The following GLYATL1 variants were observed in gnomAD, a reference collection of about 807,000 sequenced individuals.
GLYATL1 encodes the protein glycine-N-acyltransferase like 1.
In GLYATL1, 15 loss-of-function variants were observed where a neutral mutation model predicts 20.0. That is an observed-to-expected ratio of 0.75 (90% CI 0.50 to 1.15). The LOEUF is 1.15. Ranked by LOEUF, GLYATL1 falls within the 50% of genes most tolerant of loss-of-function variation. The pLI, the probability that GLYATL1 is intolerant of heterozygous loss-of-function variation, is 0.00. For missense variants in GLYATL1, 380 were observed against 368.5 expected (o/e 1.03, Z -0.26); for synonymous variants, 151 against 131.5 (o/e 1.15, Z -1.01).
At chr11:58,955,538 T>C in intron 6 of GLYATL1, 72 bp from the exon 7 acceptor site, 1 of 1,513,934 alleles carries the variant, frequency 6.6e-7, no homozygotes, top group Admixed American at 1.9e-5. Flanking sequence ...CTGGGATCTC[T>C]AGATTGGGAT....
upstream of GLYATL1, among the ~76,000 whole-genome samples, chr11:58,926,968 A>C (rs1855442694): frequency 6.6e-6 from 1 of 152,226 alleles, no homozygotes; most frequent in Admixed American, 6.5e-5. Flanking sequence ...TATGAATCAA[A>C]GACTATCTGT....
intron 2 of GLYATL1, among the ~76,000 whole-genome samples, chr11:58,944,219 A>G (rs1856400405): frequency 6.6e-6 from 1 of 152,220 alleles, no homozygotes. Context: ...TACATTTATA[A>G]ATGAGGGCTC....
At chr11:58,927,206 GTTTTAC>G (rs1180341844), upstream of GLYATL1, among the ~76,000 whole-genome samples, 2 of 152,180 alleles carry the variant, frequency 1.3e-5, no homozygotes, top group Admixed American at 6.5e-5. Flanking sequence ...AGAGGCTACT[GTTTTAC>G]TTAAACTGGA....
chr11:58,912,995 G>T (rs1174668715), downstream of GLYATL1, among the ~76,000 whole-genome samples: 2 of 152,212 alleles, frequency 1.3e-5, no homozygotes, highest in African/African-American at 4.8e-5. Flanking sequence ...AGGCCCTGAA[G>T]ACATCCAATG....
upstream of GLYATL1, among the ~76,000 whole-genome samples, chr11:58,926,261 T>C (rs1014548431): frequency 4.6e-5 from 7 of 152,182 alleles, no homozygotes; most frequent in African/African-American, 1.7e-4. Flanking sequence ...GTTTCTCCAA[T>C]TTTGGTGGAA....
At chr11:58,919,209 C>A (rs1855250800) in intron 1 of GLYATL1, among the ~76,000 whole-genome samples, 1 of 152,222 alleles carries the variant, frequency 6.6e-6, no homozygotes, top group South Asian at 2.1e-4. Flanking sequence ...AAAATTAGTT[C>A]TCCTAGCTCA....
intron 1 of GLYATL1, among the ~76,000 whole-genome samples, chr11:58,922,263 GC>G (rs1169295146): frequency 1.3e-5 from 2 of 152,150 alleles, no homozygotes; most frequent in African/African-American, 2.4e-5. Context: ...TTTCAGTCTG[GC>G]CCAGTTGGAT....
In GLYATL1 at chr11:58,947,109, C is replaced by G. The variant is rs1467787557; in HGVS notation, c.22C>G (p.His8Asp). Residue 8 changes from histidine (H) to aspartate (D), a missense_variant, in exon 3 of 7, where the codon CAT becomes GAT. Physicochemically the swap from His to Asp is moderately conservative, Grantham distance 81. Coordinates refer to ENST00000532726, the MANE Select transcript of GLYATL1 (RefSeq NM_001389712.2). MILLNNS[H>D]KLLALYKSLA... ...CAGAATGATCCTACTGAATAACTCC[C>G]ATAAGCTGCTGGCCCTATACAAATC... 1.2e-6 allele frequency: 2 copies of G among 1,614,036 alleles called. No homozygotes were observed. Among genetic ancestry groups the G allele is most frequent in the South Asian group, 2.2e-5 (2 of 91,076 alleles).
chr11:58,920,679 C>G (rs1565119192), intron 1 of GLYATL1, among the ~76,000 whole-genome samples: 1 of 152,206 alleles, frequency 6.6e-6, no homozygotes, highest in Admixed American at 6.5e-5. Flanking sequence ...TGTTCACAGT[C>G]TCTAAAGCTA....
intron 1 of GLYATL1, among the ~76,000 whole-genome samples, chr11:58,931,332 C>G (rs1388240922): frequency 6.6e-6 from 1 of 152,060 alleles, no homozygotes; most frequent in Non-Finnish European, 1.5e-5. Context: ...CACATTTTAA[C>G]TAAGTTTATC....
intron 1 of GLYATL1, chr11:58,928,592 A>G (rs912764033): frequency 6.6e-6 from 1 of 152,146 alleles, no homozygotes; most frequent in African/African-American, 2.4e-5. Flanking sequence ...CCTGACCCAA[A>G]CGACGGATGA....
chr11:58,955,141 G>C (rs1192379975), intron 5 of GLYATL1, 35 bp from the exon 6 acceptor site: 2 of 1,595,194 alleles, frequency 1.3e-6, no homozygotes, highest in Non-Finnish European at 1.7e-6. Context: ...AGAACTCCAT[G>C]TCTGACAAGA....
chr11:58,953,413 T>G (rs1472903182), intron 4 of GLYATL1, among the ~76,000 whole-genome samples: 2 of 151,494 alleles, frequency 1.3e-5, no homozygotes, highest in Non-Finnish European at 2.9e-5. Flanking sequence ...TTTTGCTTTT[T>G]TCTCTTTCTC....
chr11:58,943,233 C>T, intron 1 of GLYATL1: 6 of 1,488,056 alleles, frequency 4.0e-6, no homozygotes, highest in Non-Finnish European at 5.3e-6. Context: ...GTAGTGTGCA[C>T]CTGTAACAAT....
chr11:58,955,856 A>C lies in GLYATL1; in HGVS notation c.738A>C (p.Arg246=). 1 of 1,614,220 alleles carries C rather than the reference A, an allele frequency of 6.2e-7. No individual in the cohort carries two copies. The highest frequency in any genetic ancestry group is 1.1e-5 in the South Asian group (1 of 91,084). The change falls in exon 7 of 7, where the codon CGA becomes CGC. Residue 246 remains arginine (R), a synonymous_variant. Transcript: ENST00000532726. ...ACCGAAGGACAGGCAACATGGCACG[A>C]GTGATGGTGCGATACATGAAATATC... ...EKYRRTGNMA[R]VMVRYMKYLR... is the part of the protein sequence containing the mutation.
intron 1 of GLYATL1, among the ~76,000 whole-genome samples, chr11:58,914,627 G>T (rs975608982): frequency 6.6e-6 from 1 of 152,102 alleles, no homozygotes; most frequent in Admixed American, 6.6e-5. Flanking sequence ...TGAGGCAAAG[G>T]GTAAAGATTG....
chr11:58,949,853 A>T (rs1188663864), intron 4 of GLYATL1, among the ~76,000 whole-genome samples: 1 of 151,926 alleles, frequency 6.6e-6, no homozygotes, highest in Non-Finnish European at 1.5e-5. Context: ...AAAAAAATTA[A>T]TTTTTTCATT....
rs117759753 is a variant in GLYATL1 at position 58,940,926 on chromosome 11, C to T, written c.-167+1276C>T. Among the ~76,000 whole-genome samples the T allele has an allele frequency of 7.9e-5, 12 of 152,262 alleles. No homozygotes were observed. The East Asian group carries it at 2.3e-3, about 29-fold the overall frequency. On this transcript the variant is annotated intron_variant, in intron 1 of 6. Coordinates refer to ENST00000532726, the MANE Select transcript of GLYATL1 (RefSeq NM_001389712.2). ...AGGCTTCAGTGAGTCTTGATTCAGC[C>T]ACTGCACTCCAACCTAGGTGAAAGA...
At chr11:58,950,038 T>G (rs1856855584) in intron 4 of GLYATL1, among the ~76,000 whole-genome samples, 1 of 142,578 alleles carries the variant, frequency 7.0e-6, no homozygotes, top group Admixed American at 7.5e-5. Flanking sequence ...TCCCAGCACT[T>G]TGGGAGGCCG....
Sources: gnomAD v4.1 joint callset for allele counts (sites outside exome capture counted in the v4.1 genomes callset) on GRCh38, gnomAD v4.1.1 for gene constraint, MANE v1.5 for transcripts, NCBI Gene and HGNC (gene_info 2026-07-23, HGNC 2026-07-21) for gene names.